ASTN1: variants seen among roughly 807,000 people sequenced by gnomAD.
The protein encoded by ASTN1 is astrotactin 1, also known as astrotactin-1.
In ASTN1, 41 loss-of-function variants were observed where a neutral mutation model predicts 140.7. The observed-to-expected ratio is 0.29, with a 90% CI of 0.23 to 0.38. The LOEUF (loss-of-function observed/expected upper bound fraction) is 0.38. Among genes scored for constraint, ASTN1 ranks in the 10% least tolerant of loss-of-function variants. The pLI, the probability that ASTN1 is intolerant of heterozygous loss-of-function variation, is 1.00. For missense variants in ASTN1, 1,479 were observed against 1,678.8 expected (o/e 0.88, Z 2.08); for synonymous variants, 640 against 652.2 (o/e 0.98, Z 0.29).
chr1:176,942,866 A>ATATATT (rs1385017638), intron 14 of ASTN1, among the ~76,000 whole-genome samples: 2,968 of 69,836 alleles, frequency 0.042, 918 homozygotes, highest in Non-Finnish European at 0.055. Flanking sequence ...ATATATATAT[A>ATATATT]GATTGATGTC....
chr1:177,080,985 G>A (rs370320102), intron 1 of ASTN1, among the ~76,000 whole-genome samples: 2 of 152,006 alleles, frequency 1.3e-5, no homozygotes, highest in South Asian at 2.1e-4. Flanking sequence ...TATTTTTCTC[G>A]GACAATTAAA....
intron 8 of ASTN1, among the ~76,000 whole-genome samples, chr1:177,005,042 A>C (rs1450145589): frequency 6.6e-6 from 1 of 152,230 alleles, no homozygotes; most frequent in Non-Finnish European, 1.5e-5. Context: ...CATAATCAAG[A>C]GTAAACAGAC....
chr1:177,157,577 G>A (rs942473126), intron 1 of ASTN1, among the ~76,000 whole-genome samples: 1 of 151,998 alleles, frequency 6.6e-6, no homozygotes, highest in African/African-American at 2.4e-5. Context: ...GCTTCCTGAA[G>A]TGCTGGGATT....
chr1:177,089,881 A>G (rs1052989496), intron 1 of ASTN1, among the ~76,000 whole-genome samples: 3 of 152,170 alleles, frequency 2.0e-5, no homozygotes, highest in African/African-American at 4.8e-5. Context: ...GATCAGTCAG[A>G]GGTCTAGCAG....
intron 16 of ASTN1, among the ~76,000 whole-genome samples, chr1:176,900,203 A>T (rs1427080177): frequency 6.6e-6 from 1 of 152,222 alleles, no homozygotes; most frequent in East Asian, 1.9e-4. Context: ...CATTATTCTG[A>T]TGACAGCCAA....
At chr1:177,148,230 A>G (rs1028428169) in intron 1 of ASTN1, among the ~76,000 whole-genome samples, 1 of 152,060 alleles carries the variant, frequency 6.6e-6, no homozygotes, top group Non-Finnish European at 1.5e-5. Flanking sequence ...CATCCTGGCT[A>G]ACACGGTGAA....
intron 1 of ASTN1, among the ~76,000 whole-genome samples, chr1:177,125,236 G>T (rs1194797856): frequency 6.6e-6 from 1 of 152,200 alleles, no homozygotes; most frequent in Non-Finnish European, 1.5e-5. Flanking sequence ...GTCTTTTGGT[G>T]CATGGATTGG....
intron 8 of ASTN1, among the ~76,000 whole-genome samples, chr1:176,988,542 C>T (rs1425080591): frequency 6.6e-6 from 1 of 152,194 alleles, no homozygotes; most frequent in Non-Finnish European, 1.5e-5. Context: ...TCTAAACCTA[C>T]ATTCTATCCA....
chr1:176,954,352 C>T (rs563760409), intron 11 of ASTN1, among the ~76,000 whole-genome samples: 10 of 152,236 alleles, frequency 6.6e-5, no homozygotes, highest in South Asian at 2.1e-4. Flanking sequence ...TGCACTGTTG[C>T]TGGCTTTAAA....
At chr1:176,953,038 C>A (rs1419859543) in intron 11 of ASTN1, among the ~76,000 whole-genome samples, 3 of 152,160 alleles carry the variant, frequency 2.0e-5, no homozygotes, top group African/African-American at 4.8e-5. Context: ...GGTTAATCAC[C>A]TTTCGTGAGA....
At chr1:176,936,012 T>TC (rs1281671716) in intron 15 of ASTN1, 5 of 532,792 alleles carry the variant, frequency 9.4e-6, no homozygotes, top group Non-Finnish European at 1.7e-5. Flanking sequence ...AATTATACCT[T>TC]CAATGGCTCC....
chr1:176,868,331 G>C (rs1048458313), intron 22 of ASTN1, among the ~76,000 whole-genome samples: 1 of 152,206 alleles, frequency 6.6e-6, no homozygotes, highest in South Asian at 2.1e-4. Context: ...GCCAAGAGAA[G>C]TTAGCACACA....
At chr1:177,129,844 G>A (rs941619493) in intron 1 of ASTN1, among the ~76,000 whole-genome samples, 5 of 152,194 alleles carry the variant, frequency 3.3e-5, no homozygotes, top group Non-Finnish European at 5.9e-5. Context: ...GCACGCACCT[G>A]TAGTCCCAGC....
intron 1 of ASTN1, among the ~76,000 whole-genome samples, chr1:177,102,030 T>C (rs1680327085): frequency 6.6e-6 from 1 of 152,214 alleles, no homozygotes; most frequent in South Asian, 2.1e-4. Flanking sequence ...CATTTTCAAA[T>C]TGATTGCTGG....
At chr1:177,125,909 T>C (rs1681621336) in intron 1 of ASTN1, among the ~76,000 whole-genome samples, 1 of 152,210 alleles carries the variant, frequency 6.6e-6, no homozygotes, top group Non-Finnish European at 1.5e-5. Flanking sequence ...AATAATACTC[T>C]CTTTCATTTC....
intron 1 of ASTN1, among the ~76,000 whole-genome samples, chr1:177,084,135 G>T (rs1012089491): frequency 6.6e-6 from 1 of 152,178 alleles, no homozygotes; most frequent in Non-Finnish European, 1.5e-5. Context: ...GCACAGTGCT[G>T]CTCCAGCTCC....
intron 1 of ASTN1, among the ~76,000 whole-genome samples, chr1:177,150,201 T>C (rs1682966411): frequency 6.6e-6 from 1 of 152,052 alleles, no homozygotes; most frequent in African/African-American, 2.4e-5. Context: ...AACTACCTTA[T>C]TAATGGTTTG....
At chr1:176,991,432 AAACC>A in intron 8 of ASTN1, among the ~76,000 whole-genome samples, 1 of 10,976 alleles carries the variant, frequency 9.1e-5, no homozygotes. Flanking sequence ...AAAAAAAAAA[AAACC>A]AAAAAAAAAA....
At chr1:176,879,294 G>A (rs1188954929) in intron 20 of ASTN1, among the ~76,000 whole-genome samples, 2 of 152,070 alleles carry the variant, frequency 1.3e-5, no homozygotes, top group African/African-American at 2.4e-5. Flanking sequence ...TGCTCTGCCT[G>A]TTCCTGCCTG....
Sources: gnomAD v4.1 joint callset for allele counts (sites outside exome capture counted in the v4.1 genomes callset) on GRCh38, gnomAD v4.1.1 for gene constraint, MANE v1.5 for transcripts, NCBI Gene and HGNC (gene_info 2026-07-23, HGNC 2026-07-21) for gene names.